FEZF2: variants seen among roughly 807,000 people sequenced by gnomAD.
FEZF2 encodes fez family zinc finger protein 2.
FEZF2 carries 2 observed loss-of-function variants against 32.8 expected under a neutral mutation model. The observed-to-expected ratio is 0.06, with a 90% confidence interval of 0.02 to 0.19. The LOEUF is 0.19. Among genes scored for constraint, FEZF2 ranks in the 10% least tolerant of loss-of-function variants. The pLI, the probability that FEZF2 is intolerant of heterozygous loss-of-function variation, is 1.00. For missense variants in FEZF2, 516 were observed against 625.4 expected (o/e 0.83, Z 1.87); for synonymous variants, 322 against 284.8 (o/e 1.13, Z -1.32).
rs1704256456 is a variant in FEZF2, at chr3:62,370,632, T to G, written c.1121-290A>C. On this transcript the variant is annotated intron_variant, in intron 4 of 4. Coordinates refer to ENST00000283268, the MANE Select transcript of FEZF2 (RefSeq NM_018008.4). This position sits in a 1 kb window ranked among gnomAD's most constrained non-coding sequence, Gnocchi z 4.2. The stretch of plus-strand genomic sequence containing the variant: ...CCGCGCTCCGCGGGCCGGGAAACTT[T>G]TGCGTAGCCCAGAGACGCACCGAGT... 6.6e-6 allele frequency among the ~76,000 whole-genome samples: 1 copy of G among 152,212 alleles called. No homozygotes were observed. The highest frequency in any genetic ancestry group is 2.4e-5 in the African/African-American group (1 of 41,462).
At position 62,372,136 on chromosome 3, in the gene FEZF2, C is replaced by T; in HGVS notation, c.733G>A (p.Val245Ile). 2 of 1,597,128 alleles carry T rather than the reference C, an allele frequency of 1.3e-6. No homozygotes were observed. Among genetic ancestry groups the T allele is most frequent in the Non-Finnish European group, 1.7e-6 (2 of 1,172,298 alleles). The change falls in exon 2 of 5, where the codon GTA becomes ATA. Residue 245 changes from valine to isoleucine, a missense_variant. Transcript: ENST00000283268. This position sits in a 1 kb window ranked among gnomAD's most constrained non-coding sequence, Gnocchi z 9.6. ...GTCAGGGCCGAGTTTTCCTTCAGTACCTGCTCCAGCGGCGCCGGCAAGCGC... is the reference window on the plus strand; with the variant it reads ...GTCAGGGCCGAGTTTTCCTTCAGTATCTGCTCCAGCGGCGCCGGCAAGCGC... ...KERLPAPLEQVLKENSALTAE... is the reference protein window; with the variant it reads ...KERLPAPLEQILKENSALTAE...
intron 2 of FEZF2, 27 bp downstream of exon 2, chr3:62,371,990 C>G: frequency 6.3e-7 from 1 of 1,591,476 alleles, no homozygotes; most frequent in Middle Eastern, 1.7e-4. Context: ...CCCCTCCCGG[C>G]CCCCCTCGCC....
At position 62,369,941 on chromosome 3, in the gene FEZF2, TTCCAAAAATATGCTG is replaced by T; in HGVS notation, c.*127_*141del. 9.1e-7 allele frequency: 1 copy of T among 1,095,738 alleles called. No homozygotes were observed. Among genetic ancestry groups the T allele is most frequent in the Non-Finnish European group, 1.3e-6 (1 of 799,154 alleles). 67.9% of individuals were successfully genotyped at this position (1,095,738 alleles called of 1,614,324 possible). On this transcript the variant is annotated 3_prime_UTR_variant, in exon 5 of 5. Transcript: ENST00000283268. The surrounding 1 kb of genome is among the most constrained non-coding windows in gnomAD (Gnocchi z 4.2). ...CCAGTCATCGAGGAAACATTTAGCT[TTCCAAAAATATGCTG>T]GTTTCGATAAATAGATTTTAGCCTC...
At position 62,371,355 on chromosome 3, in the gene FEZF2, G is replaced by T. The variant is rs1237951029; in HGVS notation, c.988-6C>A. ...TTGCATTTATGTGGCTTTTCCTGAG[G>T]AAAGGGGCGAGTGCACAGTAAGGAG... is the stretch of plus-strand genomic sequence containing the variant. On this transcript the variant is annotated splice_region_variant and splice_polypyrimidine_tract_variant and intron_variant, in intron 3 of 4. Coordinates refer to ENST00000283268, the MANE Select transcript of FEZF2 (RefSeq NM_018008.4). 1 of 1,613,028 alleles carries T rather than the reference G, an allele frequency of 6.2e-7. No individual in the cohort carries two copies. Among genetic ancestry groups the T allele is most frequent in the Non-Finnish European group, 8.5e-7 (1 of 1,179,420 alleles).
rs886244753 is a variant in FEZF2 at position 62,370,805 on chromosome 3, T to G, written c.1120+412A>C. 6.6e-6 allele frequency among the ~76,000 whole-genome samples: 1 copy of G among 152,208 alleles called. No homozygotes were observed. Among genetic ancestry groups the G allele is most frequent in the African/African-American group, 2.4e-5 (1 of 41,448 alleles). On this transcript the variant is annotated intron_variant, in intron 4 of 4. Transcript: ENST00000283268. The surrounding 1 kb of genome is among the most constrained non-coding windows in gnomAD (Gnocchi z 4.2). Reference sequence around the variant, plus strand: ...TCCAAAAGTGCCTTGGAAAATCCGATCCAGGGGCCAAGGATCATACCGGTT... The same window carrying G: ...TCCAAAAGTGCCTTGGAAAATCCGAGCCAGGGGCCAAGGATCATACCGGTT...
rs1029445301 is a variant in FEZF2 at position 62,373,148 on chromosome 3, G to T, written c.-59+131C>A. On this transcript the variant is annotated intron_variant, in intron 1 of 4. Coordinates refer to ENST00000283268, the MANE Select transcript of FEZF2 (RefSeq NM_018008.4). The surrounding 1 kb of genome is among the most constrained non-coding windows in gnomAD (Gnocchi z 5.5). ...AGGGTTTACAAAAGAAAAGGGGGGG[G>T]GCGGTGAGAAAAGAGTCTCAAATTA... is the stretch of plus-strand genomic sequence containing the variant. 4 of 349,044 alleles carry T rather than the reference G, an allele frequency of 1.1e-5. No individual in the cohort carries two copies. Among genetic ancestry groups the T allele is most frequent in the South Asian group, 1.4e-4 (1 of 7,198 alleles). 21.6% of individuals were successfully genotyped at this position (349,044 alleles called of 1,614,324 possible).
In FEZF2 at chr3:62,370,513, G is replaced by C. The variant is rs550912893; in HGVS notation, c.1121-171C>G. On this transcript the variant is annotated intron_variant, in intron 4 of 4. Coordinates refer to ENST00000283268, the MANE Select transcript of FEZF2 (RefSeq NM_018008.4). This position sits in a 1 kb window ranked among gnomAD's most constrained non-coding sequence, Gnocchi z 4.2. ...TGTCAAACTTCGTAAGCGTCAAGCC[G>C]GGTGCTCTCCCGACAAGACCGAGAC... is the stretch of plus-strand genomic sequence containing the variant. Among the ~76,000 whole-genome samples, 13 of 152,310 alleles carry C rather than the reference G, an allele frequency of 8.5e-5. No homozygotes were observed. The highest frequency in any genetic ancestry group is 1.3e-4 in the Non-Finnish European group (9 of 68,016).
chr3:62,371,407 G>C (rs564144684), intron 3 of FEZF2, 58 bp from the exon 4 acceptor site: 35 of 1,591,432 alleles, frequency 2.2e-5, no homozygotes, highest in Non-Finnish European at 2.9e-5. Context: ...ACCTGGAAGG[G>C]ACATCCCCCC....
At position 62,372,800 on chromosome 3, in the gene FEZF2, G is replaced by A; in HGVS notation, c.69C>T (p.Ala23=). The change falls in exon 2 of 5, where the codon GCC becomes GCT. Residue 23 remains alanine (A), a synonymous_variant. Coordinates refer to ENST00000283268, the MANE Select transcript of FEZF2 (RefSeq NM_018008.4). The surrounding 1 kb of genome is among the most constrained non-coding windows in gnomAD (Gnocchi z 9.6). ...PACPRAGASP[A]TSKTLAFSIE... ...TGGAAAAGGCCAGTGTCTTGGAAGT[G>A]GCCGGCGACGCTCCGGCGCGCGGGC... The A allele has an allele frequency of 6.4e-7, 1 of 1,557,154 alleles. No homozygotes were observed. The highest frequency in any genetic ancestry group is 8.7e-7 in the Non-Finnish European group (1 of 1,148,334).
Position 62,370,392 on chromosome 3 carries a change from G to T in FEZF2, c.1121-50C>A. Reference sequence around the variant, plus strand: ...CGTGGGGGTATGGAGTAGAATGGTGGGGAGGAAGAGGCGGGCGTCCCAGGG... The same window carrying T: ...CGTGGGGGTATGGAGTAGAATGGTGTGGAGGAAGAGGCGGGCGTCCCAGGG... On this transcript the variant is annotated intron_variant, in intron 4 of 4. Transcript: ENST00000283268. The surrounding 1 kb of genome is among the most constrained non-coding windows in gnomAD (Gnocchi z 4.2). 2 of 1,592,498 alleles carry T rather than the reference G, an allele frequency of 1.3e-6. No homozygotes were observed. The highest frequency in any genetic ancestry group is 1.7e-6 in the Non-Finnish European group (2 of 1,166,158).
Position 62,372,199 on chromosome 3 carries a change from C to A in FEZF2, c.670G>T (p.Asp224Tyr). The change falls in exon 2 of 5, where the codon GAC becomes TAC. Residue 224 changes from aspartate (D) to tyrosine (Y), a missense_variant. Asp to Tyr is a radical substitution (Grantham distance 160). Transcript: ENST00000283268. This position sits in a 1 kb window ranked among gnomAD's most constrained non-coding sequence, Gnocchi z 9.6. ...TAGGGAGCCGGGTGGGGGAACTTGT[C>A]CGCAGCCAGGCCGGCCAGCTTGGCG... ...ENAKLAGLAA[D>Y]KFPHPAPYPH... 6.3e-7 allele frequency: 1 copy of A among 1,577,714 alleles called. No individual in the cohort carries two copies. Among genetic ancestry groups the A allele is most frequent in the Non-Finnish European group, 8.6e-7 (1 of 1,161,492 alleles).
Position 62,370,146 on chromosome 3 carries a change from G to T in FEZF2, c.1317C>A (p.Leu439=), listed in dbSNP as rs190426453. 2.5e-6 allele frequency: 4 copies of T among 1,614,208 alleles called. No individual in the cohort carries two copies. The highest frequency in any genetic ancestry group is 3.3e-5 in the Admixed American group (2 of 60,030). ...NFDLKKHVRK[L]HDSVGPAAPS... ...GGGCAGCAGGGCCCACGCTGTCGTG[G>T]AGTTTGCGCACATGTTTCTTTAAGT... Residue 439 remains leucine (L), a synonymous_variant, in exon 5 of 5, where the codon CTC becomes CTA. Coordinates refer to ENST00000283268, the MANE Select transcript of FEZF2 (RefSeq NM_018008.4). This position sits in a 1 kb window ranked among gnomAD's most constrained non-coding sequence, Gnocchi z 4.2.
rs187825305 is a variant in FEZF2 at position 62,372,286 on chromosome 3, G to C, written c.583C>G (p.Leu195Val). ...LLSGHLFPSG[L>V]LNAQAPAALA... ...GCGGCGGGGGCCTGCGCATTGAGGA[G>C]GCCAGACGGGAAGAGGTGGCCGCTG... Residue 195 changes from leucine to valine, a missense_variant, in exon 2 of 5, where the codon CTC (leucine) becomes GTC (valine). Physicochemically the swap from Leu to Val is conservative, Grantham distance 32. This residue lies in a region of FEZF2 where 408 missense variants were observed against 382.2 expected (regional missense o/e 1.07). Transcript: ENST00000283268. The surrounding 1 kb of genome is among the most constrained non-coding windows in gnomAD (Gnocchi z 9.6). 4.4e-6 allele frequency: 7 copies of C among 1,601,890 alleles called. No individual in the cohort carries two copies. The South Asian group carries it at 4.5e-5, about 10-fold the overall frequency.
intron 2 of FEZF2, 101 bp from the exon 3 acceptor site, chr3:62,371,768 A>C: frequency 6.6e-7 from 1 of 1,504,478 alleles, no homozygotes; most frequent in Non-Finnish European, 8.9e-7. Flanking sequence ...CACCCCCTTC[A>C]GAAACCAGAG....
intron 3 of FEZF2, 24 bp from the exon 4 acceptor site, chr3:62,371,373 G>T (rs781493405): frequency 6.2e-7 from 1 of 1,608,488 alleles, no homozygotes; most frequent in Non-Finnish European, 8.5e-7. Context: ...CGAGTGCACA[G>T]TAAGGAGAGG....
Position 62,372,107 on chromosome 3 carries a change from G to T in FEZF2, c.762C>A (p.Ala254=), listed in dbSNP as rs200050934. 2 of 1,603,500 alleles carry T rather than the reference G, an allele frequency of 1.2e-6. No homozygotes were observed. The highest frequency in any genetic ancestry group is 1.7e-6 in the Non-Finnish European group (2 of 1,175,830). The change falls in exon 2 of 5, where the codon GCC becomes GCA. Residue 254 remains alanine, a synonymous_variant. Transcript: ENST00000283268. The surrounding 1 kb of genome is among the most constrained non-coding windows in gnomAD (Gnocchi z 9.6). ...TGTGGCCCTTGACGCCTCCGCGCTC[G>T]GCAGTCAGGGCCGAGTTTTCCTTCA... ...QVLKENSALT[A]ERGGVKGHSK...
rs1383635138 is a variant in FEZF2, at chr3:62,372,952, A to G, written c.-58-26T>C. On this transcript the variant is annotated intron_variant, in intron 1 of 4. Coordinates refer to ENST00000283268, the MANE Select transcript of FEZF2 (RefSeq NM_018008.4). This position sits in a 1 kb window ranked among gnomAD's most constrained non-coding sequence, Gnocchi z 9.6. ...CTGCATTCCGGAAAAGGCAGGGGGG[A>G]AAACTGCAATTTAATAAGCACCTAG... 3.8e-5 allele frequency: 49 copies of G among 1,279,896 alleles called. No individual in the cohort carries two copies. Among genetic ancestry groups the G allele is most frequent in the Admixed American group, 1.1e-4 (3 of 27,198 alleles). The allele number at this position is 1,279,896 out of a possible 1,614,324, so 79.3% of individuals were successfully genotyped here.
rs780929500 is a variant in FEZF2, at chr3:62,372,000, C to T, written c.852+17G>A. The T allele has an allele frequency of 1.3e-6, 2 of 1,597,978 alleles. No homozygotes were observed. The highest frequency in any genetic ancestry group is 2.2e-5 in the South Asian group (2 of 89,860). On this transcript the variant is annotated intron_variant, in intron 2 of 4. Transcript: ENST00000283268. ...GATCGCCCCTCCCGGCCCCCCTCGC[C>T]GAACCCTGGGCCTCACCTTGCCGCA...
rs1172006511 is a variant in FEZF2, at chr3:62,370,093, A to T, written c.1370T>A (p.Val457Glu). 2 of 1,614,066 alleles carry T rather than the reference A, an allele frequency of 1.2e-6. No individual in the cohort carries two copies. Among genetic ancestry groups the T allele is most frequent in the African/African-American group, 2.7e-5 (2 of 74,932 alleles). ...GCAAGGCAGTAGCTCTCAGCTCTGC[A>T]CTGTCCTAGTCAGGTCCTTTGCGGA... ...APSAKDLTRT[V>E]QS The change falls in exon 5 of 5, where the codon GTG (valine) becomes GAG (glutamate). Residue 457 changes from valine (V) to glutamate (E), a missense_variant. Val to Glu is a moderately radical substitution (Grantham distance 121). Transcript: ENST00000283268. This position sits in a 1 kb window ranked among gnomAD's most constrained non-coding sequence, Gnocchi z 4.2.
Sources: gnomAD v4.1 joint callset for allele counts (sites outside exome capture counted in the v4.1 genomes callset) on GRCh38, gnomAD v4.1.1 for gene constraint, gnomAD v4.1.1 regional missense constraint, Gnocchi (gnomAD v3.1) non-coding constraint, MANE v1.5 for transcripts, NCBI Gene and HGNC (gene_info 2026-07-23, HGNC 2026-07-21) for gene names.